Variants in PARD3B observed in about 807,000 individuals in gnomAD.
The protein encoded by PARD3B is par-3 family cell polarity regulator beta.
A neutral mutation model predicts 130.2 loss-of-function variants in PARD3B; 103 were observed. The observed-to-expected ratio is 0.79, with a 90% CI of 0.67 to 0.93. PARD3B has a LOEUF of 0.93. PARD3B is among the 40% of genes least tolerant of loss of function. The pLI, the probability that PARD3B is intolerant of heterozygous loss-of-function variation, is 0.00. For synonymous variants in PARD3B, 583 were observed against 553.2 expected (o/e 1.05, Z -0.76); for missense variants, 1,609 against 1,499.2 (o/e 1.07, Z -1.21).
At chr2:205,227,650 A>G (rs772078525) in intron 15 of PARD3B, among the ~76,000 whole-genome samples, 5 of 151,938 alleles carry the variant, frequency 3.3e-5, no homozygotes, top group African/African-American at 4.8e-5. Flanking sequence ...CTCTGTGTCT[A>G]TTGATTAGAG....
Position 205,091,205 on chromosome 2 carries a change from G to T in PARD3B, c.505-13221G>T, listed in dbSNP as rs1185144205. On this transcript the variant is annotated intron_variant, in intron 4 of 22. Transcript: ENST00000406610. The surrounding 1 kb of genome is among the most constrained non-coding windows in gnomAD (Gnocchi z 4.2). ...AAAGTAGCCAACAAATGGAATAGAA[G>T]TTAAGAACATAAGACCTTTAGTACT... is the stretch of plus-strand genomic sequence containing the variant. 6.6e-6 allele frequency among the ~76,000 whole-genome samples: 1 copy of T among 152,176 alleles called. No individual in the cohort carries two copies. The highest frequency in any genetic ancestry group is 2.4e-5 in the African/African-American group (1 of 41,442).
chr2:205,114,760 T>C (rs961919814), intron 6 of PARD3B, among the ~76,000 whole-genome samples: 2 of 152,064 alleles, frequency 1.3e-5, no homozygotes, highest in African/African-American at 4.8e-5. Flanking sequence ...CACCTTTTTT[T>C]TTTTTTTGCA....
At chr2:205,153,311 T>C (rs530246575) in intron 10 of PARD3B, among the ~76,000 whole-genome samples, 7 of 152,284 alleles carry the variant, frequency 4.6e-5, no homozygotes, top group Admixed American at 4.6e-4. Context: ...GCTCTCTTCA[T>C]AGCTCAATTG....
chr2:205,165,573 C>T (rs904196247), intron 11 of PARD3B, among the ~76,000 whole-genome samples: 3 of 151,814 alleles, frequency 2.0e-5, no homozygotes, highest in Non-Finnish European at 4.4e-5. Context: ...CAAAAACTAG[C>T]CAGGCATGAT....
intron 2 of PARD3B, among the ~76,000 whole-genome samples, chr2:204,776,351 T>A (rs929733680): frequency 6.6e-6 from 1 of 152,088 alleles, no homozygotes; most frequent in Non-Finnish European, 1.5e-5. Context: ...ATGGAGGTGA[T>A]TTATTGAAAA....
chr2:204,557,564 T>C (rs947940325), intron 1 of PARD3B, among the ~76,000 whole-genome samples: 6 of 152,170 alleles, frequency 3.9e-5, no homozygotes, highest in African/African-American at 1.4e-4. Flanking sequence ...GTAGATACTA[T>C]AAATGCTTGC....
rs925661730 is a variant in PARD3B, at chr2:204,664,690, C to G, written c.121-21491C>G. Among the ~76,000 whole-genome samples, 1 of 152,158 alleles carries G rather than the reference C, an allele frequency of 6.6e-6. No homozygotes were observed. The highest frequency in any genetic ancestry group is 1.5e-5 in the Non-Finnish European group (1 of 68,030). On this transcript the variant is annotated intron_variant, in intron 1 of 22. Transcript: ENST00000406610. This position sits in a 1 kb window ranked among gnomAD's most constrained non-coding sequence, Gnocchi z 5.2. ...GGCAAATAGCTTTTGAGAATTTGGA[C>G]TCATTAGCAGGGCTTATTTCTTTGG...
rs368809626 is a variant in PARD3B, at chr2:204,731,409, AT to A, written c.222+45129del. ...GTGATTAAAATGAAAACAAAGTTGG[AT>A]TGCATTTTATTAACAAAAGGATATT... On this transcript the variant is annotated intron_variant, in intron 2 of 22. Transcript: ENST00000406610. Among the ~76,000 whole-genome samples the A allele has an allele frequency of 5.3e-4, 80 of 152,320 alleles. 1 individual carries two copies. The highest frequency in any genetic ancestry group is 1.9e-3 in the African/African-American group (80 of 41,572).
At position 205,473,672 on chromosome 2, in the gene PARD3B, GTGTGTGTGTATGTA is replaced by G. The variant is rs1004626528; in HGVS notation, c.3045-26222_3045-26209del. Among the ~76,000 whole-genome samples, 2 of 101,506 alleles carry G rather than the reference GTGTGTGTGTATGTA, an allele frequency of 2.0e-5. No individual in the cohort carries two copies. Among genetic ancestry groups the G allele is most frequent in the African/African-American group, 1.1e-4 (2 of 17,996 alleles). 66.6% of individuals were successfully genotyped at this position (101,506 alleles called of 152,430 possible). A position where few individuals can be genotyped will look rare whatever the true frequency, so the allele number is the denominator to read the frequency against. ...TATATATATGTGTGTGTGTGTGTGT[GTGTGTGTGTATGTA>G]TATATATATATATATATATATATAC... On this transcript the variant is annotated intron_variant, in intron 20 of 22. Coordinates refer to ENST00000406610, the MANE Select transcript of PARD3B (RefSeq NM_001302769.2). The surrounding 1 kb of genome is among the most constrained non-coding windows in gnomAD (Gnocchi z 4.9).
At chr2:205,519,017 ATTCT>A (rs1375601672) in intron 21 of PARD3B, among the ~76,000 whole-genome samples, 10 of 152,018 alleles carry the variant, frequency 6.6e-5, no homozygotes, top group South Asian at 2.1e-4. Context: ...TGCTTTTAAC[ATTCT>A]TTCTTTCATT....
chr2:205,007,216 C>T (rs999623091), intron 3 of PARD3B, among the ~76,000 whole-genome samples: 1 of 152,142 alleles, frequency 6.6e-6, no homozygotes, highest in African/African-American at 2.4e-5. Context: ...CTTCACCTTC[C>T]ACCGTGATTG....
At position 205,365,468 on chromosome 2, in the gene PARD3B, C is replaced by T. The variant is rs145447803; in HGVS notation, c.2631-35545C>T. Among the ~76,000 whole-genome samples, 192 of 151,630 alleles carry T rather than the reference C, an allele frequency of 1.3e-3. 1 individual carries two copies. In the East Asian group the frequency reaches 0.013, roughly 10 times the overall value. ...GCCACAAAACACACAGCATCGAATC[C>T]GTTTACAGACACAGGCCTGCTGTCT... On this transcript the variant is annotated intron_variant, in intron 18 of 22. Coordinates refer to ENST00000406610, the MANE Select transcript of PARD3B (RefSeq NM_001302769.2).
chr2:204,658,138 A>G (rs2035696041), intron 1 of PARD3B, among the ~76,000 whole-genome samples: 1 of 152,112 alleles, frequency 6.6e-6, no homozygotes, highest in African/African-American at 2.4e-5. Flanking sequence ...TCCATTTTGC[A>G]TTTGGGATAT....
rs544510453 is a variant in PARD3B, at chr2:204,998,514, A to G, written c.394+33191A>G. Reference sequence around the variant, plus strand: ...TATGTATATATATGTGTATATATATATGTGTGTGTATATATATGTGTGTAT... The same window carrying G: ...TATGTATATATATGTGTATATATATGTGTGTGTGTATATATATGTGTGTAT... On this transcript the variant is annotated intron_variant, in intron 3 of 22. Transcript: ENST00000406610. Among the ~76,000 whole-genome samples the G allele has an allele frequency of 1.2e-3, 22 of 17,710 alleles. 3 individuals are homozygous for G. Among genetic ancestry groups the G allele is most frequent in the African/African-American group, 2.2e-3 (14 of 6,250 alleles). The allele number at this position is 17,710 out of a possible 152,430, so 11.6% of individuals were successfully genotyped here.
At chr2:204,754,419 T>A (rs1302976936) in intron 2 of PARD3B, among the ~76,000 whole-genome samples, 2 of 152,144 alleles carry the variant, frequency 1.3e-5, no homozygotes, top group East Asian at 3.9e-4. Flanking sequence ...TGTCTGTCAA[T>A]AGCTTTGAGA....
chr2:204,917,366 G>A (rs952878722), intron 2 of PARD3B, among the ~76,000 whole-genome samples: 18 of 152,174 alleles, frequency 1.2e-4, no homozygotes, highest in African/African-American at 4.1e-4. Flanking sequence ...ATGTAATTGA[G>A]GGAAAACAGA....
At position 204,689,553 on chromosome 2, in the gene PARD3B, T is replaced by A. The variant is rs1018916145; in HGVS notation, c.222+3271T>A. 1.3e-5 allele frequency among the ~76,000 whole-genome samples: 2 copies of A among 152,170 alleles called. No individual in the cohort carries two copies. The highest frequency in any genetic ancestry group is 2.9e-5 in the Non-Finnish European group (2 of 68,016). On this transcript the variant is annotated intron_variant, in intron 2 of 22. Coordinates refer to ENST00000406610, the MANE Select transcript of PARD3B (RefSeq NM_001302769.2). This position sits in a 1 kb window ranked among gnomAD's most constrained non-coding sequence, Gnocchi z 5.2. ...TCTAAGAATTGTAATTTTACACTCA[T>A]GTCTCCTCTCTGGTTGCTAAAGGCT...
chr2:204,857,816 G>A (rs1014407747), intron 2 of PARD3B, among the ~76,000 whole-genome samples: 4 of 152,184 alleles, frequency 2.6e-5, no homozygotes, highest in Admixed American at 2.6e-4. Context: ...AAGGGAAGGT[G>A]AGAATGGCCT....
chr2:205,438,669 T>C (rs2047603999), intron 19 of PARD3B, among the ~76,000 whole-genome samples: 1 of 146,658 alleles, frequency 6.8e-6, no homozygotes. Flanking sequence ...CATCCATGAA[T>C]CTAGGACTAA....
Sources: allele counts gnomAD v4.1 joint callset (sites outside exome capture counted in the v4.1 genomes callset), GRCh38; gene constraint gnomAD v4.1.1; non-coding constraint Gnocchi (gnomAD v3.1); transcripts MANE v1.5; gene names NCBI Gene and HGNC (gene_info 2026-07-23, HGNC 2026-07-21).